The following TTC28 variants were observed in gnomAD, a reference collection of about 807,000 sequenced individuals.
The protein encoded by TTC28 is tetratricopeptide repeat domain 28.
Under a neutral mutation model 198.0 loss-of-function variants are expected in TTC28, and 61 were observed. That is an observed-to-expected ratio of 0.31 (90% CI 0.25 to 0.38). TTC28 has a LOEUF of 0.38. Ranked by LOEUF, TTC28 falls within the 10% of genes least tolerant of loss-of-function variation. TTC28 has a pLI of 1.00. For synonymous variants in TTC28, 1,171 were observed against 1,297.8 expected (o/e 0.90, Z 2.10); for missense variants, 2,678 against 3,164.0 (o/e 0.85, Z 3.69).
intron 2 of TTC28, among the ~76,000 whole-genome samples, chr22:28,406,394 G>A (rs1690859307): frequency 6.6e-6 from 1 of 152,192 alleles, no homozygotes; most frequent in African/African-American, 2.4e-5. Flanking sequence ...TTTTGAAACA[G>A]TTGTTAATGA....
chr22:28,505,370 G>C (rs2048597095), intron 2 of TTC28, among the ~76,000 whole-genome samples: 1 of 152,068 alleles, frequency 6.6e-6, no homozygotes, highest in Non-Finnish European at 1.5e-5. Context: ...TGGCGAGTGA[G>C]TTCAGCACCT....
intron 5 of TTC28, among the ~76,000 whole-genome samples, chr22:28,186,747 C>T (rs1258431436): frequency 6.6e-6 from 1 of 152,110 alleles, no homozygotes; most frequent in Non-Finnish European, 1.5e-5. Context: ...GTTTACTTTG[C>T]TGCTAGTAAA....
chr22:28,650,758 C>A (rs1290650656), intron 1 of TTC28, among the ~76,000 whole-genome samples: 1 of 152,188 alleles, frequency 6.6e-6, no homozygotes, highest in Non-Finnish European at 1.5e-5. Context: ...CTTTATTTTA[C>A]ATCAATATAA....
At position 28,163,383 on chromosome 22, in the gene TTC28, C is replaced by A. The variant is rs1337370604; in HGVS notation, c.1150G>T (p.Ala384Ser). The A allele has an allele frequency of 2.2e-5, 34 of 1,551,962 alleles. 1 individual carries two copies. Among genetic ancestry groups the A allele is most frequent in the Non-Finnish European group, 2.9e-5 (33 of 1,147,074 alleles). The change falls in exon 6 of 23, where the codon GCC (alanine) becomes TCC (serine). Residue 384 changes from alanine to serine, a missense_variant. Physicochemically the swap from Ala to Ser is moderately conservative, Grantham distance 99 (BLOSUM62 1). Transcript: ENST00000397906. ...TCTCGCTTGTTCCCCAGGTCCTTGG[C>A]TATCTTCAGATGCTGCTCATGGCAC... ...VQCHEQHLKI[A>S]KDLGNKREEA...
chr22:27,980,342 A>G lies in TTC28; in HGVS notation c.*1879T>C, dbSNP rs1387901616. The G allele has an allele frequency of 6.6e-6, 1 of 152,240 alleles. No homozygotes were observed. Among genetic ancestry groups the G allele is most frequent in the Non-Finnish European group, 1.5e-5 (1 of 68,038 alleles). 9.4% of individuals were successfully genotyped at this position (152,240 alleles called of 1,614,324 possible). On this transcript the variant is annotated 3_prime_UTR_variant, in exon 23 of 23. Transcript: ENST00000397906. ...CCCTCATAATTGCTGGCTTCTTTAT[A>G]AAGTACTTCGCTTTCAGTGTTGGGA...
intron 5 of TTC28, among the ~76,000 whole-genome samples, chr22:28,176,759 T>C (rs1208880574): frequency 6.6e-6 from 1 of 152,198 alleles, no homozygotes; most frequent in Non-Finnish European, 1.5e-5. Context: ...CACATAAATA[T>C]AATAACTAAT....
intron 2 of TTC28, among the ~76,000 whole-genome samples, chr22:28,500,908 A>C (rs576927581): frequency 5.3e-5 from 8 of 152,306 alleles, no homozygotes; most frequent in Non-Finnish European, 1.2e-4. Context: ...AGAATAAAAA[A>C]AATGTTGACT....
At chr22:28,278,760 C>A (rs2044520273) in intron 5 of TTC28, among the ~76,000 whole-genome samples, 1 of 152,188 alleles carries the variant, frequency 6.6e-6, no homozygotes, top group African/African-American at 2.4e-5. Flanking sequence ...AGTCTGCCAC[C>A]TCCTCTGTCC....
chr22:28,609,214 G>A (rs553055995), intron 2 of TTC28, among the ~76,000 whole-genome samples: 5 of 152,156 alleles, frequency 3.3e-5, no homozygotes, highest in African/African-American at 9.7e-5. Flanking sequence ...TCAATAAAAA[G>A]AAAGTATGTT....
chr22:28,535,071 A>G (rs1052031149), intron 2 of TTC28, among the ~76,000 whole-genome samples: 2 of 152,154 alleles, frequency 1.3e-5, no homozygotes, highest in Non-Finnish European at 2.9e-5. Flanking sequence ...ATAATAATAA[A>G]AAAAAGAAAG....
chr22:28,279,416 G>C (rs2145729793), intron 5 of TTC28, among the ~76,000 whole-genome samples: 1 of 152,104 alleles, frequency 6.6e-6, no homozygotes, highest in Non-Finnish European at 1.5e-5. Flanking sequence ...TGTCACCCAG[G>C]CTGGAGTGCA....
chr22:28,329,619 G>A (rs2045584972), intron 2 of TTC28, among the ~76,000 whole-genome samples: 1 of 152,134 alleles, frequency 6.6e-6, no homozygotes, highest in African/African-American at 2.4e-5. Flanking sequence ...GCCCTTTACA[G>A]ACACTTTAAT....
At chr22:28,462,727 A>G (rs951908776) in intron 2 of TTC28, among the ~76,000 whole-genome samples, 2 of 152,194 alleles carry the variant, frequency 1.3e-5, no homozygotes, top group Non-Finnish European at 1.5e-5. Context: ...GAAGATTGGC[A>G]TCTCATTCCC....
At chr22:27,990,586 C>G (rs549271550) in intron 20 of TTC28, among the ~76,000 whole-genome samples, 1 of 152,126 alleles carries the variant, frequency 6.6e-6, no homozygotes, top group Non-Finnish European at 1.5e-5. Flanking sequence ...GCAAGAAGGG[C>G]GGAGCAGGAA....
Position 28,156,277 on chromosome 22 carries a change from G to C in TTC28, c.1441+6815C>G, listed in dbSNP as rs563805504. On this transcript the variant is annotated intron_variant, in intron 6 of 22. Coordinates refer to ENST00000397906, the MANE Select transcript of TTC28 (RefSeq NM_001145418.2). ...TCACAACAGTCTTTATTGGAGAAAC[G>C]CAAGTCAGGGTCAGAAGAGAAGGTG... Among the ~76,000 whole-genome samples, 4 of 152,308 alleles carry C rather than the reference G, an allele frequency of 2.6e-5. No homozygotes were observed. In the South Asian group the frequency reaches 8.3e-4, roughly 32 times the overall value.
chr22:28,131,500 T>C (rs1400272228), intron 6 of TTC28, among the ~76,000 whole-genome samples: 1 of 152,240 alleles, frequency 6.6e-6, no homozygotes, highest in Non-Finnish European at 1.5e-5. Flanking sequence ...CTGGGGGCTG[T>C]GGCTCACTGT....
chr22:28,518,532 C>T (rs879407971), intron 2 of TTC28, among the ~76,000 whole-genome samples: 1 of 152,140 alleles, frequency 6.6e-6, no homozygotes, highest in Non-Finnish European at 1.5e-5. Context: ...AGGAGGATCC[C>T]TCAAGCAGTG....
At chr22:28,328,662 G>A (rs1433712483) in intron 2 of TTC28, among the ~76,000 whole-genome samples, 1 of 151,218 alleles carries the variant, frequency 6.6e-6, no homozygotes, top group Non-Finnish European at 1.5e-5. Flanking sequence ...GCTGAGGCAG[G>A]AGAATCGCTT....
intron 5 of TTC28, among the ~76,000 whole-genome samples, chr22:28,244,240 C>T (rs1379205961): frequency 6.6e-6 from 1 of 151,996 alleles, no homozygotes. Flanking sequence ...TTAAGTAGAT[C>T]TCTAGGAGAA....
Sources: gnomAD v4.1 joint callset for allele counts (sites outside exome capture counted in the v4.1 genomes callset) on GRCh38, gnomAD v4.1.1 for gene constraint, MANE v1.5 for transcripts, NCBI Gene and HGNC (gene_info 2026-07-23, HGNC 2026-07-21) for gene names.